Variants in KCND2 observed in about 807,000 individuals in gnomAD.
KCND2 encodes the protein A-type voltage-gated potassium channel KCND2.
A neutral mutation model predicts 54.4 loss-of-function variants in KCND2; 16 were observed. The ratio of observed to expected loss-of-function variants is 0.29; its 90% confidence interval spans 0.20 to 0.45. The LOEUF (loss-of-function observed/expected upper bound fraction) is 0.45. Ranked by LOEUF, KCND2 falls within the 20% of genes least tolerant of loss-of-function variation. KCND2 has a pLI of 1.00. For synonymous variants in KCND2, 317 were observed against 310.7 expected (o/e 1.02, Z -0.21); for missense variants, 486 against 824.2 (o/e 0.59, Z 5.02).
intron 1 of KCND2, among the ~76,000 whole-genome samples, chr7:120,409,637 T>C (rs914399651): frequency 1.3e-5 from 2 of 151,966 alleles, no homozygotes; most frequent in Non-Finnish European, 2.9e-5. Flanking sequence ...GTTTCTCTTA[T>C]GATTAAAAAA....
intron 1 of KCND2, among the ~76,000 whole-genome samples, chr7:120,437,068 A>G (rs1801877895): frequency 6.6e-6 from 1 of 152,178 alleles, no homozygotes; most frequent in Non-Finnish European, 1.5e-5. Context: ...GAAAGCAAAT[A>G]TGGGAAAAAC....
chr7:120,371,440 T>C (rs1313384695), intron 1 of KCND2, among the ~76,000 whole-genome samples: 1 of 152,050 alleles, frequency 6.6e-6, no homozygotes, highest in East Asian at 1.9e-4. Context: ...TTAGACTATC[T>C]AAACCAGTGC....
At chr7:120,455,009 A>G (rs1184986856) in intron 1 of KCND2, among the ~76,000 whole-genome samples, 1 of 152,238 alleles carries the variant, frequency 6.6e-6, no homozygotes, top group Non-Finnish European at 1.5e-5. Flanking sequence ...AAGAATAATG[A>G]AACACTGCTG....
At chr7:120,552,868 A>T (rs1264523836) in intron 1 of KCND2, among the ~76,000 whole-genome samples, 1 of 152,214 alleles carries the variant, frequency 6.6e-6, no homozygotes, top group Non-Finnish European at 1.5e-5. Context: ...TCTTTTGTCT[A>T]TAGTTTTTAA....
intron 1 of KCND2, among the ~76,000 whole-genome samples, chr7:120,541,071 A>G (rs1221285857): frequency 6.6e-6 from 1 of 152,144 alleles, no homozygotes; most frequent in East Asian, 1.9e-4. Flanking sequence ...TCTATTTCAG[A>G]TTTCCCTCCA....
At chr7:120,427,492 T>A (rs13243575) in intron 1 of KCND2, among the ~76,000 whole-genome samples, 18 of 152,212 alleles carry the variant, frequency 1.2e-4, no homozygotes, top group Non-Finnish European at 1.9e-4. Context: ...AGGGGAAGAA[T>A]GGCCATAAAA....
intron 1 of KCND2, among the ~76,000 whole-genome samples, chr7:120,307,000 C>G (rs762275107): frequency 6.6e-6 from 1 of 151,980 alleles, no homozygotes; most frequent in South Asian, 2.1e-4. Context: ...AAAGATTATT[C>G]AGGCCTAAAT....
chr7:120,354,070 CAA>C (rs1224879246), intron 1 of KCND2, among the ~76,000 whole-genome samples: 7 of 152,228 alleles, frequency 4.6e-5, no homozygotes, highest in African/African-American at 1.7e-4. Flanking sequence ...CTTATTGTCT[CAA>C]GAGTAAAACA....
chr7:120,480,371 C>T (rs1802590818), intron 1 of KCND2, among the ~76,000 whole-genome samples: 1 of 151,982 alleles, frequency 6.6e-6, no homozygotes, highest in Non-Finnish European at 1.5e-5. Context: ...CTCCTGTATT[C>T]AATAATCAAG....
At position 120,550,666 on chromosome 7, in the gene KCND2, G is replaced by A. The variant is rs758524821; in HGVS notation, c.1116-182237G>A. On this transcript the variant is annotated intron_variant, in intron 1 of 5. Transcript: ENST00000331113. ...GTTTGTATTCACACATGCTCTTCTA[G>A]GTCTCCAGGGAGTCATTTCAGGATA... Among the ~76,000 whole-genome samples the A allele has an allele frequency of 2.0e-5, 3 of 152,264 alleles. 1 individual carries two copies. The South Asian group carries it at 6.2e-4, about 32-fold the overall frequency.
At chr7:120,675,275 C>T (rs963170054) in intron 1 of KCND2, among the ~76,000 whole-genome samples, 8 of 152,056 alleles carry the variant, frequency 5.3e-5, no homozygotes, top group Non-Finnish European at 8.8e-5. Context: ...CTCTGTCCCC[C>T]GAGCTGGAGT....
At chr7:120,357,361 T>C (rs1218754571) in intron 1 of KCND2, among the ~76,000 whole-genome samples, 4 of 152,184 alleles carry the variant, frequency 2.6e-5, no homozygotes, top group East Asian at 1.9e-4. Context: ...TTCATTACAA[T>C]GTGCTTTTCC....
intron 1 of KCND2, among the ~76,000 whole-genome samples, chr7:120,553,061 A>G (rs980699983): frequency 3.9e-5 from 6 of 152,202 alleles, no homozygotes; most frequent in South Asian, 2.1e-4. Flanking sequence ...CTTAAAATCT[A>G]TTCTTTTAGC....
intron 1 of KCND2, among the ~76,000 whole-genome samples, chr7:120,563,127 G>T (rs558300708): frequency 6.6e-6 from 1 of 152,166 alleles, no homozygotes; most frequent in Admixed American, 6.5e-5. Flanking sequence ...TGTTATTAAC[G>T]TTTCTTCTAA....
chr7:120,295,379 CACACACACACACAG>C (rs1248015889), intron 1 of KCND2, among the ~76,000 whole-genome samples: 78 of 127,984 alleles, frequency 6.1e-4, no homozygotes, highest in African/African-American at 2.2e-3. Context: ...CACACACACA[CACACACACACACAG>C]ACACACACAC....
chr7:120,625,612 A>G (rs1288717283), intron 1 of KCND2, among the ~76,000 whole-genome samples: 1 of 152,140 alleles, frequency 6.6e-6, no homozygotes, highest in Non-Finnish European at 1.5e-5. Flanking sequence ...TTACTTGTGG[A>G]ATTTTACTTG....
chr7:120,693,116 A>G (rs982352136), intron 1 of KCND2, among the ~76,000 whole-genome samples: 1 of 152,220 alleles, frequency 6.6e-6, no homozygotes, highest in East Asian at 1.9e-4. Flanking sequence ...TAGGAATTTC[A>G]AAGTACAGGA....
At chr7:120,295,090 G>T (rs1189535773) in intron 1 of KCND2, among the ~76,000 whole-genome samples, 1 of 151,752 alleles carries the variant, frequency 6.6e-6, no homozygotes, top group East Asian at 1.9e-4. Context: ...TGTAGATAAT[G>T]ATTTTCAATA....
chr7:120,582,735 A>G (rs1260638045), intron 1 of KCND2, among the ~76,000 whole-genome samples: 3 of 152,036 alleles, frequency 2.0e-5, no homozygotes, highest in Non-Finnish European at 4.4e-5. Flanking sequence ...CGCTGATACC[A>G]TCTCTTCATC....
Sources: gnomAD v4.1 joint callset for allele counts (sites outside exome capture counted in the v4.1 genomes callset) on GRCh38, gnomAD v4.1.1 for gene constraint, MANE v1.5 for transcripts, NCBI Gene and HGNC (gene_info 2026-07-23, HGNC 2026-07-21) for gene names.